Variants in TSPAN5 observed in about 807,000 individuals in gnomAD.
TSPAN5 encodes the protein tetraspanin-5.
TSPAN5 carries 10 observed loss-of-function variants against 37.1 expected under a neutral mutation model. The observed-to-expected ratio is 0.27, with a 90% confidence interval of 0.17 to 0.46. TSPAN5 has a LOEUF of 0.46. Among genes scored for constraint, TSPAN5 ranks in the 20% least tolerant of loss-of-function variants. TSPAN5 has a pLI of 1.00. For missense variants in TSPAN5, 195 were observed against 326.6 expected, an observed-to-expected ratio of 0.60 and a Z score of 3.11; for synonymous variants, 110 against 118.9, an observed-to-expected ratio of 0.93 and a Z score of 0.48.
chr4:98,473,220 T>C (rs1242753157), intron 7 of TSPAN5, among the ~76,000 whole-genome samples: 1 of 152,214 alleles, frequency 6.6e-6, no homozygotes, highest in African/African-American at 2.4e-5. Context: ...ACTCATATGG[T>C]AGCACTATAT....
intron 1 of TSPAN5, among the ~76,000 whole-genome samples, chr4:98,513,764 T>C (rs1203787444): frequency 6.6e-6 from 1 of 152,116 alleles, no homozygotes; most frequent in Admixed American, 6.6e-5. Context: ...TGAATTCTCT[T>C]TGAAATAAAT....
At chr4:98,652,367 T>C (rs917807484) in intron 1 of TSPAN5, among the ~76,000 whole-genome samples, 3 of 152,226 alleles carry the variant, frequency 2.0e-5, no homozygotes, top group Non-Finnish European at 4.4e-5. Flanking sequence ...CCAATTTTCA[T>C]TTATGAATTT....
intron 1 of TSPAN5, among the ~76,000 whole-genome samples, chr4:98,643,320 T>C (rs1756996971): frequency 6.6e-6 from 1 of 152,198 alleles, no homozygotes; most frequent in African/African-American, 2.4e-5. Context: ...CCGTCTATGT[T>C]TGTGTTGTAC....
At chr4:98,581,715 T>C (rs1755374576) in intron 1 of TSPAN5, among the ~76,000 whole-genome samples, 1 of 152,216 alleles carries the variant, frequency 6.6e-6, no homozygotes, top group Non-Finnish European at 1.5e-5. Flanking sequence ...TTCTTCCCTT[T>C]GTCTCTGATC....
intron 1 of TSPAN5, among the ~76,000 whole-genome samples, chr4:98,549,344 C>T (rs552962195): frequency 1.3e-5 from 2 of 149,914 alleles, no homozygotes; most frequent in Non-Finnish European, 2.9e-5. Flanking sequence ...ACTCTGTCAC[C>T]CAGGATGGAG....
At chr4:98,533,955 A>AAAAAAAAAAAAAAAAAAC (rs1754171450) in intron 1 of TSPAN5, among the ~76,000 whole-genome samples, 1 of 145,280 alleles carries the variant, frequency 6.9e-6, no homozygotes, top group Non-Finnish European at 1.5e-5. Flanking sequence ...AAAAAAAAAA[A>AAAAAAAAAAAAAAAAAAC]AAAAAAACCA....
At chr4:98,540,446 T>C (rs1754333670) in intron 1 of TSPAN5, among the ~76,000 whole-genome samples, 1 of 152,076 alleles carries the variant, frequency 6.6e-6, no homozygotes, top group African/African-American at 2.4e-5. Context: ...CAAGCTATTC[T>C]CCTGTCTCAG....
intron 4 of TSPAN5, among the ~76,000 whole-genome samples, chr4:98,481,799 A>C (rs1300048934): frequency 2.0e-5 from 3 of 152,242 alleles, no homozygotes; most frequent in Admixed American, 1.3e-4. Context: ...AGAAGTTGAA[A>C]CAAGTGAAAA....
At chr4:98,620,701 T>C (rs999830402) in intron 1 of TSPAN5, among the ~76,000 whole-genome samples, 9 of 152,156 alleles carry the variant, frequency 5.9e-5, no homozygotes, top group African/African-American at 2.2e-4. Flanking sequence ...AAGCAGGCTG[T>C]AGGCACAGGC....
intron 1 of TSPAN5, among the ~76,000 whole-genome samples, chr4:98,548,885 A>AGG (rs70955937): frequency 0.028 from 2,332 of 83,566 alleles, 58 homozygotes; most frequent in African/African-American, 0.073. Context: ...TAGTATTCCA[A>AGG]GGTGTGTGTG....
At chr4:98,562,625 C>T (rs1325371334) in intron 1 of TSPAN5, among the ~76,000 whole-genome samples, 1 of 152,138 alleles carries the variant, frequency 6.6e-6, no homozygotes, top group Non-Finnish European at 1.5e-5. Flanking sequence ...CGCGCCACTG[C>T]ACTCCAGCCT....
chr4:98,563,400 T>C (rs1754921319), intron 1 of TSPAN5, among the ~76,000 whole-genome samples: 1 of 152,200 alleles, frequency 6.6e-6, no homozygotes. Context: ...TTCAGGGTCT[T>C]AACAGATTGT....
chr4:98,587,803 C>T (rs1322773948), intron 1 of TSPAN5, among the ~76,000 whole-genome samples: 1 of 152,064 alleles, frequency 6.6e-6, no homozygotes, highest in South Asian at 2.1e-4. Flanking sequence ...GCAGGGGAAT[C>T]GCTTGAACTG....
intron 1 of TSPAN5, among the ~76,000 whole-genome samples, chr4:98,558,255 A>G (rs1754795477): frequency 6.7e-6 from 1 of 150,000 alleles, no homozygotes; most frequent in South Asian, 2.1e-4. Flanking sequence ...CTGCAGCACC[A>G]GGGAACAAGC....
chr4:98,651,417 A>G (rs962330925), intron 1 of TSPAN5, among the ~76,000 whole-genome samples: 7 of 152,214 alleles, frequency 4.6e-5, no homozygotes, highest in African/African-American at 1.7e-4. Flanking sequence ...AGCAACTGGG[A>G]AACTTGGATG....
chr4:98,582,970 C>T (rs1238957139), intron 1 of TSPAN5, among the ~76,000 whole-genome samples: 1 of 152,110 alleles, frequency 6.6e-6, no homozygotes, highest in Non-Finnish European at 1.5e-5. Flanking sequence ...TTCCTTGGTA[C>T]CGTATAAAAG....
chr4:98,646,393 C>G (rs1757069977), intron 1 of TSPAN5, among the ~76,000 whole-genome samples: 1 of 151,914 alleles, frequency 6.6e-6, no homozygotes, highest in East Asian at 1.9e-4. Flanking sequence ...TAGTTACAGC[C>G]ATCTAGATAG....
At chr4:98,548,970 T>A (rs1051979781) in intron 1 of TSPAN5, among the ~76,000 whole-genome samples, 10 of 152,074 alleles carry the variant, frequency 6.6e-5, no homozygotes, top group Non-Finnish European at 1.3e-4. Context: ...ACACTTAGGT[T>A]GATTTCATAT....
At chr4:98,484,065 C>T (rs1752906917) in intron 3 of TSPAN5, 1 of 186,008 alleles carries the variant, frequency 5.4e-6, no homozygotes, top group African/African-American at 2.4e-5. Flanking sequence ...TTCTCACCTC[C>T]ATAAAAGTTA....
Sources: gnomAD v4.1 joint callset for allele counts (sites outside exome capture counted in the v4.1 genomes callset) on GRCh38, gnomAD v4.1.1 for gene constraint, MANE v1.5 for transcripts, NCBI Gene and HGNC (gene_info 2026-07-23, HGNC 2026-07-21) for gene names.